PAM: variants seen among roughly 807,000 people sequenced by gnomAD.
PAM encodes the protein peptidyl-glycine alpha-amidating monooxygenase.
In PAM, 72 loss-of-function variants were observed where a neutral mutation model predicts 122.1. The ratio of observed to expected loss-of-function variants is 0.59; its 90% CI spans 0.49 to 0.72. The LOEUF (loss-of-function observed/expected upper bound fraction) is 0.72. Among genes scored for constraint, PAM ranks in the 30% least tolerant of loss-of-function variants. The probability of loss-of-function intolerance (pLI) is 0.00; values close to 1 mark genes in which losing one functional copy is unlikely to be tolerated. For synonymous variants in PAM, 389 were observed against 404.4 expected, an observed-to-expected ratio of 0.96 and a Z score of 0.46; for missense variants, 1,106 against 1,183.7, an observed-to-expected ratio of 0.93 and a Z score of 0.96.
In PAM at chr5:103,017,408, C is replaced by G; in HGVS notation, c.2406C>G (p.Thr802=). The change falls in exon 22 of 26, where the codon ACC becomes ACG. Residue 802 remains threonine (T), a synonymous_variant. Transcript: ENST00000438793. ...TVYIGDAHTN[T]VWKFTLTEKL... is the part of the protein sequence containing the mutation. The stretch of plus-strand genomic sequence containing the variant: ...ACATTGGAGATGCTCATACCAACAC[C>G]GTGTGGAAGTTCACCTTGACTGAGA... 1.2e-6 allele frequency: 2 copies of G among 1,604,722 alleles called. No individual in the cohort carries two copies. The highest frequency in any genetic ancestry group is 1.7e-6 in the Non-Finnish European group (2 of 1,171,664).
intron 1 of PAM, among the ~76,000 whole-genome samples, chr5:102,827,439 AT>A (rs11288361): frequency 0.69 from 103,974 of 151,656 alleles, 35,924 homozygotes; most frequent in South Asian, 0.81. Context: ...ACATTTTAGT[AT>A]TTTTTTTATA....
intron 1 of PAM, among the ~76,000 whole-genome samples, chr5:102,793,642 G>GT (rs2150018755): frequency 6.6e-6 from 1 of 152,120 alleles, no homozygotes; most frequent in East Asian, 1.9e-4. Context: ...TTTAAGTACT[G>GT]GTTTTTTTCA....
intron 16 of PAM, among the ~76,000 whole-genome samples, chr5:102,992,697 C>A (rs1278721790): frequency 6.6e-6 from 1 of 151,958 alleles, no homozygotes; most frequent in African/African-American, 2.4e-5. Context: ...AGGTGAGGGA[C>A]AATACAAATT....
chr5:102,919,794 C>T (rs1746741824), intron 5 of PAM, among the ~76,000 whole-genome samples: 1 of 152,074 alleles, frequency 6.6e-6, no homozygotes, highest in African/African-American at 2.4e-5. Flanking sequence ...CTGATTCTAA[C>T]TTCCAGTCAC....
chr5:102,808,043 G>A (rs1464657925), intron 1 of PAM: 1 of 152,136 alleles, frequency 6.6e-6, no homozygotes, highest in Non-Finnish European at 1.5e-5. Context: ...AGCAATTAAA[G>A]GCTTCTGTCT....
chr5:102,965,319 C>T (rs114906060), intron 14 of PAM, among the ~76,000 whole-genome samples: 28 of 151,600 alleles, frequency 1.8e-4, no homozygotes, highest in Non-Finnish European at 3.5e-4. Context: ...ACATCCTGAA[C>T]TTTCTATAAC....
chr5:102,760,807 A>C (rs1298665941), intron 1 of PAM, among the ~76,000 whole-genome samples: 1 of 152,214 alleles, frequency 6.6e-6, no homozygotes, highest in East Asian at 1.9e-4. Flanking sequence ...TGGATAACCT[A>C]TACAGTACTT....
intron 1 of PAM, among the ~76,000 whole-genome samples, chr5:102,788,930 T>G (rs1035859170): frequency 1.1e-4 from 17 of 152,156 alleles, no homozygotes; most frequent in African/African-American, 4.1e-4. Context: ...GTGACAGAAA[T>G]TTGGTGGCTC....
rs147693695 is a variant in PAM, at chr5:102,970,917, G to A, written c.1163-3199G>A. On this transcript the variant is annotated intron_variant, in intron 14 of 25. Coordinates refer to ENST00000438793, the MANE Select transcript of PAM (RefSeq NM_001177306.2). ...TGCCTCTGGGGTTCAAGCAATTCTC[G>A]TGCCTCCGCCTCCTAAGTAGCTGGG... 4.5e-3 allele frequency among the ~76,000 whole-genome samples: 686 copies of A among 151,914 alleles called. 4 individuals are homozygous for A. Among genetic ancestry groups the A allele is most frequent in the African/African-American group, 0.016 (647 of 41,434 alleles).
Position 103,025,172 on chromosome 5 carries a change from A to T in PAM, c.2527A>T (p.Thr843Ser), listed in dbSNP as rs1439500536. ...TGAAACCAAAATGGAGAACAAACCC[A>T]CCTCCTCAGAATTGCAGAAGATGCA... ...VVETKMENKPTSSELQKMQEK... is the reference protein window; with the variant it reads ...VVETKMENKPSSSELQKMQEK... The change falls in exon 24 of 26, where the codon ACC becomes TCC. Residue 843 changes from threonine (T) to serine (S), a missense_variant. This residue lies in a region of PAM where 333 missense variants were observed against 335.6 expected (regional missense o/e 0.99). Coordinates refer to ENST00000438793, the MANE Select transcript of PAM (RefSeq NM_001177306.2). The T allele has an allele frequency of 1.2e-6, 2 of 1,613,692 alleles. No individual in the cohort carries two copies. The highest frequency in any genetic ancestry group is 2.2e-5 in the South Asian group (2 of 91,074).
intron 1 of PAM, among the ~76,000 whole-genome samples, chr5:102,778,187 A>C (rs1285362427): frequency 6.6e-6 from 1 of 152,070 alleles, no homozygotes; most frequent in African/African-American, 2.4e-5. Flanking sequence ...TATTTTTTTG[A>C]AGAGTTGATT....
At chr5:102,800,857 A>G (rs951200461) in intron 1 of PAM, among the ~76,000 whole-genome samples, 3 of 152,288 alleles carry the variant, frequency 2.0e-5, no homozygotes, top group Admixed American at 6.5e-5. Context: ...TGTGTAATTA[A>G]TATTTTACAG....
At chr5:103,019,055 C>T (rs1474106686) in intron 22 of PAM, among the ~76,000 whole-genome samples, 1 of 152,174 alleles carries the variant, frequency 6.6e-6, no homozygotes, top group African/African-American at 2.4e-5. Context: ...CAGTTCCTAA[C>T]AGGCCATGGC....
rs116836569 is a variant in PAM, at chr5:102,917,719, A to G, written c.356+3698A>G. ...ATTATGAAGTTATAATTCATCTTCT[A>G]TCTTCAGGAAGCATTTTTAATATTA... On this transcript the variant is annotated intron_variant, in intron 5 of 25. Coordinates refer to ENST00000438793, the MANE Select transcript of PAM (RefSeq NM_001177306.2). 1.6e-3 allele frequency among the ~76,000 whole-genome samples: 237 copies of G among 152,284 alleles called. 1 individual carries two copies. The highest frequency in any genetic ancestry group is 4.9e-3 in the African/African-American group (202 of 41,578).
chr5:102,826,259 C>T (rs1237159263), intron 1 of PAM, among the ~76,000 whole-genome samples: 1 of 152,014 alleles, frequency 6.6e-6, no homozygotes, highest in Non-Finnish European at 1.5e-5. Context: ...TTACAAATAA[C>T]TTTTAATCTA....
chr5:102,811,192 A>C (rs1278132352), intron 1 of PAM, among the ~76,000 whole-genome samples: 1 of 152,252 alleles, frequency 6.6e-6, no homozygotes, highest in African/African-American at 2.4e-5. Context: ...ATTGCCACCA[A>C]CTTGGTGGCT....
intron 1 of PAM, among the ~76,000 whole-genome samples, chr5:102,782,761 A>G (rs62362466): frequency 1.8e-3 from 211 of 114,574 alleles, no homozygotes; most frequent in African/African-American, 6.8e-3. Context: ...GTGTGTGTGT[A>G]ATTTTATTTA....
At chr5:102,914,689 A>G (rs1451265974) in intron 5 of PAM, among the ~76,000 whole-genome samples, 1 of 152,104 alleles carries the variant, frequency 6.6e-6, no homozygotes, top group Non-Finnish European at 1.5e-5. Context: ...CTTTACAGAC[A>G]AGAAGCCTGA....
At chr5:102,840,471 G>T (rs1307306964) in intron 1 of PAM, among the ~76,000 whole-genome samples, 2 of 151,896 alleles carry the variant, frequency 1.3e-5, no homozygotes, top group Non-Finnish European at 2.9e-5. Context: ...TAATAAATTG[G>T]GTTTCACAAA....
Sources: allele counts gnomAD v4.1 joint callset (sites outside exome capture counted in the v4.1 genomes callset), GRCh38; gene constraint gnomAD v4.1.1; regional missense constraint gnomAD v4.1.1; transcripts MANE v1.5; gene names NCBI Gene and HGNC (gene_info 2026-07-23, HGNC 2026-07-21).